The following RIC1 variants were observed in gnomAD, a reference collection of about 807,000 sequenced individuals.
RIC1 encodes the protein guanine nucleotide exchange factor subunit RIC1.
In RIC1, 88 loss-of-function variants were observed where a neutral mutation model predicts 169.0. That is an observed-to-expected ratio of 0.52 (90% confidence interval 0.44 to 0.62). The LOEUF is 0.62. RIC1 is among the 20% of genes least tolerant of loss of function. The probability of loss-of-function intolerance (pLI) is 0.00; values close to 1 mark genes in which losing one functional copy is unlikely to be tolerated. For synonymous variants in RIC1, 790 were observed against 601.5 expected, an observed-to-expected ratio of 1.31 and a Z score of -4.59; for missense variants, 1,877 against 1,725.5, an observed-to-expected ratio of 1.09 and a Z score of -1.56.
Position 5,763,989 on chromosome 9 carries a change from T to C in RIC1, c.2841+121T>C. On this transcript the variant is annotated intron_variant, in intron 19 of 25. Transcript: ENST00000414202. The surrounding 1 kb of genome is among the most constrained non-coding windows in gnomAD (Gnocchi z 5.2). ...AATTCATAGTCAAATTTTCTGTTTA[T>C]ATCTTTAATTTGGAAGAATTCAGAC... The C allele has an allele frequency of 1.8e-6, 2 of 1,113,140 alleles. No individual in the cohort carries two copies. The highest frequency in any genetic ancestry group is 2.5e-6 in the Non-Finnish European group (2 of 786,064). 69.0% of individuals were successfully genotyped at this position (1,113,140 alleles called of 1,614,324 possible). A position where few individuals can be genotyped will look rare whatever the true frequency, so the allele number is the denominator to read the frequency against.
At chr9:5,679,641 T>G (rs2130630680) in intron 2 of RIC1, among the ~76,000 whole-genome samples, 2 of 152,340 alleles carry the variant, frequency 1.3e-5, no homozygotes, top group Middle Eastern at 6.8e-3. Context: ...GCTCTGTGTT[T>G]GTCTGTTATT....
chr9:5,756,139 C>T (rs554790263), intron 15 of RIC1, 73 bp from the exon 16 acceptor site: 117 of 927,686 alleles, frequency 1.3e-4, no homozygotes, highest in Non-Finnish European at 1.6e-4. Flanking sequence ...TTAAAAACAG[C>T]ATGTTTAAAG....
intron 7 of RIC1, among the ~76,000 whole-genome samples, chr9:5,736,279 T>G: frequency 6.6e-6 from 1 of 152,210 alleles, no homozygotes; most frequent in East Asian, 1.9e-4. Context: ...TTTCAGATAT[T>G]TGGCTTCTGG....
rs114697469 is a variant in RIC1, at chr9:5,737,809, T to C, written c.813-641T>C. 3.9e-3 allele frequency among the ~76,000 whole-genome samples: 591 copies of C among 151,100 alleles called. 2 individuals carry two copies. The highest frequency in any genetic ancestry group is 0.014 in the African/African-American group (575 of 41,378). On this transcript the variant is annotated intron_variant, in intron 7 of 25. Transcript: ENST00000414202. ...TTATTTTATATATATTAATATTATA[T>C]ATTGTATTCTTACAATAAAGTAAGA...
intron 2 of RIC1, among the ~76,000 whole-genome samples, chr9:5,673,993 A>G (rs1820283294): frequency 6.6e-6 from 1 of 152,166 alleles, no homozygotes; most frequent in Non-Finnish European, 1.5e-5. Context: ...TAAGAAACTA[A>G]CAGATTTATC....
At chr9:5,738,180 T>C (rs1436171049) in intron 7 of RIC1, among the ~76,000 whole-genome samples, 1 of 152,214 alleles carries the variant, frequency 6.6e-6, no homozygotes, top group Non-Finnish European at 1.5e-5. Context: ...AGATAGGCTA[T>C]TTCCTTTTTT....
intron 1 of RIC1, among the ~76,000 whole-genome samples, chr9:5,637,791 C>G (rs149804286): frequency 6.6e-6 from 1 of 152,160 alleles, no homozygotes; most frequent in African/African-American, 2.4e-5. Context: ...ATGACCGGAT[C>G]TCATTTTTTT....
intron 1 of RIC1, among the ~76,000 whole-genome samples, chr9:5,639,893 C>T (rs192009000): frequency 1.3e-5 from 2 of 152,220 alleles, no homozygotes; most frequent in East Asian, 1.9e-4. Context: ...ATAATTACTC[C>T]TGCTCTTTTG....
At chr9:5,767,654 C>T (rs1213400338) in intron 21 of RIC1, among the ~76,000 whole-genome samples, 1 of 152,176 alleles carries the variant, frequency 6.6e-6, no homozygotes, top group Non-Finnish European at 1.5e-5. Flanking sequence ...ATGGCTTGAT[C>T]TCGGCTCATC....
chr9:5,754,690 C>A, intron 14 of RIC1, 151 bp from the exon 15 acceptor site: 1 of 435,822 alleles, frequency 2.3e-6, no homozygotes, highest in South Asian at 5.5e-5. Flanking sequence ...GAGATCGAGC[C>A]ACTGCACTCC....
intron 8 of RIC1, among the ~76,000 whole-genome samples, chr9:5,741,224 A>G (rs1440078077): frequency 6.6e-6 from 1 of 152,124 alleles, no homozygotes; most frequent in East Asian, 1.9e-4. Context: ...TCTCTTTTCA[A>G]TAGATTGGTC....
chr9:5,762,725 G>T, intron 18 of RIC1, 65 bp downstream of exon 18: 1 of 1,538,898 alleles, frequency 6.5e-7, no homozygotes, highest in Non-Finnish European at 8.8e-7. Context: ...ATGAAGGAAT[G>T]AAACAATTTA....
intron 2 of RIC1, 113 bp from the exon 3 acceptor site, chr9:5,689,846 G>A: frequency 7.9e-6 from 5 of 635,686 alleles, no homozygotes; most frequent in East Asian, 6.4e-5. Context: ...TTCTCCAAGG[G>A]AGGGTATTGG....
intron 1 of RIC1, among the ~76,000 whole-genome samples, chr9:5,635,799 A>G (rs997445861): frequency 2.0e-5 from 3 of 152,102 alleles, no homozygotes; most frequent in Non-Finnish European, 2.9e-5. Flanking sequence ...TGTTCCTTCT[A>G]CACGCTCTGT....
intron 21 of RIC1, among the ~76,000 whole-genome samples, chr9:5,768,607 A>G (rs1463886825): frequency 6.6e-6 from 1 of 152,074 alleles, no homozygotes; most frequent in African/African-American, 2.4e-5. Context: ...TTGCCTCTCT[A>G]TCCTTAGTTT....
chr9:5,650,220 G>T (rs1261562371), intron 1 of RIC1, among the ~76,000 whole-genome samples: 1 of 152,126 alleles, frequency 6.6e-6, no homozygotes, highest in Non-Finnish European at 1.5e-5. Context: ...TAGGTCCTTG[G>T]ATCCCTGGGC....
intron 3 of RIC1, among the ~76,000 whole-genome samples, chr9:5,705,767 A>T (rs937156140): frequency 3.3e-5 from 5 of 152,182 alleles, no homozygotes; most frequent in Non-Finnish European, 2.9e-5. Flanking sequence ...GTAAGATGTT[A>T]GCTGTGCGCT....
At chr9:5,752,360 A>G (rs1288518352) in intron 12 of RIC1, among the ~76,000 whole-genome samples, 1 of 152,204 alleles carries the variant, frequency 6.6e-6, no homozygotes, top group Non-Finnish European at 1.5e-5. Flanking sequence ...AGATAGAATA[A>G]AAGCTAACCA....
chr9:5,712,458 T>C lies in RIC1; in HGVS notation c.333-1438T>C, dbSNP rs183398582. On this transcript the variant is annotated intron_variant, in intron 3 of 25. Transcript: ENST00000414202. ...ATCTACTCATCTGACAAAGGGCTAA[T>C]ATCCAGCATCTACAAAGGACTCAAA... Among the ~76,000 whole-genome samples, 182 of 152,266 alleles carry C rather than the reference T, an allele frequency of 1.2e-3. 1 individual carries two copies. The highest frequency in any genetic ancestry group is 2.7e-3 in the South Asian group (13 of 4,832).
Sources: allele counts gnomAD v4.1 joint callset (sites outside exome capture counted in the v4.1 genomes callset), GRCh38; gene constraint gnomAD v4.1.1; non-coding constraint Gnocchi (gnomAD v3.1); transcripts MANE v1.5; gene names NCBI Gene and HGNC (gene_info 2026-07-23, HGNC 2026-07-21).